PROKR2: variants seen among roughly 807,000 people sequenced by gnomAD.
The protein encoded by PROKR2 is prokineticin receptor 2, also known as G protein-coupled receptor 73-like 1.
Under a neutral mutation model 23.4 loss-of-function variants are expected in PROKR2, and 26 were observed. The observed-to-expected ratio is 1.11, with a 90% CI of 0.81 to 1.54. The LOEUF (loss-of-function observed/expected upper bound fraction) is 1.54, where lower values mean the gene tolerates loss of function less well. PROKR2 is among the 40% of genes most tolerant of loss of function. The pLI is 0.00. For missense variants in PROKR2, 453 were observed against 511.5 expected, an observed-to-expected ratio of 0.89 and a Z score of 1.10; for synonymous variants, 212 against 201.2, an observed-to-expected ratio of 1.05 and a Z score of -0.45.
intron 2 of PROKR2, among the ~76,000 whole-genome samples, chr20:5,312,429 A>AT (rs1297355964): frequency 6.6e-6 from 1 of 152,206 alleles, no homozygotes; most frequent in Non-Finnish European, 1.5e-5. Flanking sequence ...TTTCCATCAA[A>AT]TGATACTTTG....
chr20:5,302,646 G>A lies in PROKR2; in HGVS notation c.549C>T (p.Leu183=), dbSNP rs762957024. 4.3e-6 allele frequency: 7 copies of A among 1,614,186 alleles called. No homozygotes were observed. The highest frequency in any genetic ancestry group is 1.3e-5 in the African/African-American group (1 of 75,056). The stretch of plus-strand genomic sequence containing the variant: ...CAAAGTAAGCCGATGGGATGGCAAT[G>A]AGAATGGACACCATCCAGACCAAGG... The part of the protein sequence containing the change: ...LIALVWMVSI[L]IAIPSAYFAT... Residue 183 remains leucine, a synonymous_variant, in exon 3 of 3, where the codon CTC becomes CTT. Transcript: ENST00000678254.
rs1286545347 is a variant in PROKR2, at chr20:5,316,452, G to A, written c.-9+42C>T. 2.2e-6 allele frequency: 1 copy of A among 446,756 alleles called. No individual in the cohort carries two copies. The highest frequency in any genetic ancestry group is 4.5e-6 in the Non-Finnish European group (1 of 221,960). The allele number at this position is 446,756 out of a possible 1,614,324, so 27.7% of individuals were successfully genotyped here. A position where few individuals can be genotyped will look rare whatever the true frequency, so the allele number is the denominator to read the frequency against. ...CCCTTGTCCTAGCGACTCCCCCACC[G>A]CACCGACTGAGTCCCGGGACTGCAG... On this transcript the variant is annotated intron_variant, in intron 1 of 2. Transcript: ENST00000678254. The surrounding 1 kb of genome is among the most constrained non-coding windows in gnomAD (Gnocchi z 5.0).
In PROKR2 at chr20:5,314,117, G is replaced by A. The variant is rs141090506; in HGVS notation, c.253C>T (p.Arg85Cys). ...IAALTRYKKL[R>C]NLTNLLIANL... ...GCAATGAGCAGATTGGTGAGGTTGC[G>A]CAACTTCTTATAGCGGGTGAGGGCA... The change falls in exon 2 of 3, where the codon CGC (arginine) becomes TGC (cysteine). Residue 85 changes from arginine (R) to cysteine (C), a missense_variant. Arg to Cys is a radical substitution (Grantham distance 180). Coordinates refer to ENST00000678254, the MANE Select transcript of PROKR2 (RefSeq NM_144773.4). The A allele has an allele frequency of 4.3e-4, 694 of 1,614,178 alleles. 2 individuals carry two copies. Among genetic ancestry groups the A allele is most frequent in the Middle Eastern group, 1.5e-3 (9 of 6,062 alleles).
chr20:5,301,164 A>G lies in PROKR2; in HGVS notation c.*876T>C, dbSNP rs1306559632. On this transcript the variant is annotated 3_prime_UTR_variant, in exon 3 of 3. Transcript: ENST00000678254. The stretch of plus-strand genomic sequence containing the variant: ...ACCACGCACTGACAAACTTATCGTT[A>G]CATTTCCATTGTGTCTAAGAGTCTT... 6.6e-6 allele frequency among the ~76,000 whole-genome samples: 1 copy of G among 152,178 alleles called. No homozygotes were observed. Among genetic ancestry groups the G allele is most frequent in the Non-Finnish European group, 1.5e-5 (1 of 68,030 alleles).
chr20:5,300,837 C>T lies in PROKR2; in HGVS notation c.*1203G>A, dbSNP rs76105386. ...GGCAACCTCCACTTTTTTCTCTGTC[C>T]TCTTTCCCCCTGACCCCAGAGCCAC... is the stretch of plus-strand genomic sequence containing the variant. On this transcript the variant is annotated 3_prime_UTR_variant, in exon 3 of 3. Coordinates refer to ENST00000678254, the MANE Select transcript of PROKR2 (RefSeq NM_144773.4). Among the ~76,000 whole-genome samples, 425 of 152,284 alleles carry T rather than the reference C, an allele frequency of 2.8e-3. 7 individuals are homozygous for T. The East Asian group carries it at 0.039, about 14-fold the overall frequency.
rs1431356735 is a variant in PROKR2 at position 5,314,267 on chromosome 20, G to A, written c.103C>T (p.Leu35Phe). 6.2e-7 allele frequency: 1 copy of A among 1,614,068 alleles called. No homozygotes were observed. The highest frequency in any genetic ancestry group is 1.3e-5 in the African/African-American group (1 of 74,914). ...ATGTCCTCATCCTCATCCATAGGGA[G>A]GTCATAATCACCATAACTGAAGTTA... ...SFNFSYGDYDLPMDEDEDMTK... is the reference protein window; with the variant it reads ...SFNFSYGDYDFPMDEDEDMTK... The change falls in exon 2 of 3, where the codon CTC (leucine) becomes TTC (phenylalanine). Residue 35 changes from leucine to phenylalanine, a missense_variant. By Grantham distance (22) the Leu-to-Phe change is conservative. Transcript: ENST00000678254.
At chr20:5,305,766 A>T (rs1435039105) in intron 2 of PROKR2, among the ~76,000 whole-genome samples, 2 of 152,220 alleles carry the variant, frequency 1.3e-5, no homozygotes, top group Non-Finnish European at 2.9e-5. Flanking sequence ...TGCATGGCCA[A>T]TTCAACCCAC....
At chr20:5,313,471 G>A (rs1979519373) in intron 2 of PROKR2, among the ~76,000 whole-genome samples, 1 of 152,204 alleles carries the variant, frequency 6.6e-6, no homozygotes, top group African/African-American at 2.4e-5. Context: ...GGTGGGGGAG[G>A]ATTGACTGGT....
chr20:5,306,566 G>T (rs891909226), intron 2 of PROKR2, among the ~76,000 whole-genome samples: 5 of 152,188 alleles, frequency 3.3e-5, no homozygotes, highest in Admixed American at 2.0e-4. Flanking sequence ...TTCTTATTCT[G>T]GCTCGAAAAG....
chr20:5,305,808 C>T (rs1329606703), intron 2 of PROKR2, among the ~76,000 whole-genome samples: 3 of 152,072 alleles, frequency 2.0e-5, no homozygotes, highest in African/African-American at 7.2e-5. Context: ...TGGTAAAGCC[C>T]CTGAAGTATA....
At chr20:5,312,686 G>C (rs1419198659) in intron 2 of PROKR2, among the ~76,000 whole-genome samples, 2 of 152,128 alleles carry the variant, frequency 1.3e-5, no homozygotes, top group African/African-American at 2.4e-5. Flanking sequence ...AAATTTAAGA[G>C]TTGAAAAGAT....
In PROKR2 at chr20:5,302,436, C is replaced by T; in HGVS notation, c.759G>A (p.Lys253=). The change falls in exon 3 of 3, where the codon AAG becomes AAA. Residue 253 remains lysine (K), a synonymous_variant. Coordinates refer to ENST00000678254, the MANE Select transcript of PROKR2 (RefSeq NM_144773.4). ...GCTCCGTCTGGAACCCAGGGACTGC[C>T]TTGAACCAGAGCTCCCGGGAGATCC... ...YARISRELWF[K]AVPGFQTEQI... The T allele has an allele frequency of 1.2e-6, 2 of 1,614,204 alleles. No individual in the cohort carries two copies. Among genetic ancestry groups the T allele is most frequent in the Non-Finnish European group, 1.7e-6 (2 of 1,180,042 alleles).
chr20:5,309,445 C>T (rs1215207491), intron 2 of PROKR2, among the ~76,000 whole-genome samples: 1 of 152,126 alleles, frequency 6.6e-6, no homozygotes, highest in African/African-American at 2.4e-5. Flanking sequence ...TTTCCCTTTC[C>T]AAAGCCAGCA....
intron 2 of PROKR2, among the ~76,000 whole-genome samples, chr20:5,305,287 T>G (rs1186141340): frequency 6.6e-6 from 1 of 152,204 alleles, no homozygotes; most frequent in Admixed American, 6.5e-5. Flanking sequence ...CAGCTGGTAG[T>G]GCTGCAGTAG....
chr20:5,300,127 G>T lies in PROKR2; in HGVS notation c.*1913C>A, dbSNP rs371213774. ...GTCAGTCCCAAACCAGGTACCATTT[G>T]CATAGCTACCACATCAAAATGAATC... On this transcript the variant is annotated 3_prime_UTR_variant, in exon 3 of 3. Transcript: ENST00000678254. 9.1e-4 allele frequency among the ~76,000 whole-genome samples: 138 copies of T among 152,334 alleles called. 1 individual carries two copies. Among genetic ancestry groups the T allele is most frequent in the African/African-American group, 3.2e-3 (133 of 41,584 alleles).
chr20:5,310,577 TCAG>T (rs71923715), intron 2 of PROKR2, among the ~76,000 whole-genome samples: 76,762 of 150,974 alleles, frequency 0.51, 19,799 homozygotes, highest in African/African-American at 0.61. Flanking sequence ...TAGAACCTGA[TCAG>T]AGAAGAGGAT....
chr20:5,306,638 G>A (rs1047641223), intron 2 of PROKR2, among the ~76,000 whole-genome samples: 2 of 152,198 alleles, frequency 1.3e-5, no homozygotes, highest in Non-Finnish European at 2.9e-5. Context: ...TGTAATTGAG[G>A]TATTGACTGC....
chr20:5,301,842 C>G lies in PROKR2; in HGVS notation c.*198G>C, dbSNP rs768964734. Among the ~76,000 whole-genome samples, 21 of 152,136 alleles carry G rather than the reference C, an allele frequency of 1.4e-4. No homozygotes were observed. The highest frequency in any genetic ancestry group is 4.8e-4 in the African/African-American group (20 of 41,420). On this transcript the variant is annotated 3_prime_UTR_variant, in exon 3 of 3. Coordinates refer to ENST00000678254, the MANE Select transcript of PROKR2 (RefSeq NM_144773.4). ...GATTGTGGACACAGTAGGTGTCGAG[C>G]GGATATCAGTAAATGTCAGCTGATT...
At chr20:5,309,881 A>G (rs1979368491) in intron 2 of PROKR2, among the ~76,000 whole-genome samples, 3 of 152,334 alleles carry the variant, frequency 2.0e-5, no homozygotes, top group South Asian at 4.1e-4. Context: ...TTTTCCTCCA[A>G]TAACATCTTT....
Sources: allele counts gnomAD v4.1 joint callset (sites outside exome capture counted in the v4.1 genomes callset), GRCh38; gene constraint gnomAD v4.1.1; non-coding constraint Gnocchi (gnomAD v3.1); transcripts MANE v1.5; gene names NCBI Gene and HGNC (gene_info 2026-07-23, HGNC 2026-07-21).